The following NYAP2 variants were observed in gnomAD, a reference collection of about 807,000 sequenced individuals.
The protein encoded by NYAP2 is neuronal tyrosine-phosphorylated phosphoinositide-3-kinase adapter 2.
NYAP2 carries 23 observed loss-of-function variants against 50.4 expected under a neutral mutation model. That is an observed-to-expected ratio of 0.46 (90% CI 0.33 to 0.65). The LOEUF is 0.65. Among genes scored for constraint, NYAP2 ranks in the 30% least tolerant of loss-of-function variants. The pLI, the probability that NYAP2 is intolerant of heterozygous loss-of-function variation, is 0.02. For missense variants in NYAP2, 885 were observed against 861.0 expected, an observed-to-expected ratio of 1.03 and a Z score of -0.35; for synonymous variants, 394 against 365.2, an observed-to-expected ratio of 1.08 and a Z score of -0.90.
intron 3 of NYAP2, among the ~76,000 whole-genome samples, chr2:225,489,092 G>T (rs187434030): frequency 6.6e-6 from 1 of 152,288 alleles, no homozygotes; most frequent in Non-Finnish European, 1.5e-5. Flanking sequence ...TCACTCACCA[G>T]CACGTTTTAC....
the NYAP2 span, among the ~76,000 whole-genome samples, chr2:225,680,396 G>C: frequency 6.6e-6 from 1 of 152,116 alleles, no homozygotes; most frequent in African/African-American, 2.4e-5. Flanking sequence ...AGTAGATTCT[G>C]TCCAATTATG....
At chr2:225,655,656 C>A (rs1693808744), downstream of NYAP2, among the ~76,000 whole-genome samples, 1 of 152,144 alleles carries the variant, frequency 6.6e-6, no homozygotes, top group Non-Finnish European at 1.5e-5. Context: ...CTGATCTCAG[C>A]CTCCTTCTTC....
intron 2 of NYAP2, among the ~76,000 whole-genome samples, chr2:225,401,326 G>T (rs760812638): frequency 6.6e-6 from 1 of 152,006 alleles, no homozygotes; most frequent in South Asian, 2.1e-4. Flanking sequence ...AATTATTAAA[G>T]CTTTGAAAAT....
the NYAP2 span, chr2:225,702,452 A>G: frequency 6.6e-6 from 1 of 151,748 alleles, no homozygotes; most frequent in Non-Finnish European, 1.5e-5. Flanking sequence ...TTTTCAAAAT[A>G]AAGCCAATTG....
chr2:225,511,994 G>C (rs910453369), intron 3 of NYAP2, among the ~76,000 whole-genome samples: 1 of 151,894 alleles, frequency 6.6e-6, no homozygotes, highest in African/African-American at 2.4e-5. Flanking sequence ...ATTTTGTAAT[G>C]GTATTTTTAA....
At chr2:225,672,442 A>G in the NYAP2 span, among the ~76,000 whole-genome samples, 81 of 152,282 alleles carry the variant, frequency 5.3e-4, no homozygotes, top group African/African-American at 1.9e-3. Flanking sequence ...TTTTTGGCTT[A>G]AGAGAATGTG....
At chr2:225,504,776 GAGGC>G (rs1690673063) in intron 3 of NYAP2, among the ~76,000 whole-genome samples, 1 of 152,084 alleles carries the variant, frequency 6.6e-6, no homozygotes, top group South Asian at 2.1e-4. Flanking sequence ...TTGGGAAGCT[GAGGC>G]AGGGGGATCA....
the NYAP2 span, chr2:225,702,639 T>C: frequency 1.3e-5 from 2 of 151,684 alleles, no homozygotes; most frequent in African/African-American, 4.8e-5. Flanking sequence ...TGTAAATCAT[T>C]AAAAGGGTAA....
chr2:225,444,203 T>C (rs776254571), intron 3 of NYAP2, among the ~76,000 whole-genome samples: 1 of 152,226 alleles, frequency 6.6e-6, no homozygotes, highest in Non-Finnish European at 1.5e-5. Context: ...AGATTTGTTT[T>C]CTGTCTTCAT....
At chr2:225,410,049 T>C (rs755684144) in intron 3 of NYAP2, among the ~76,000 whole-genome samples, 1 of 152,114 alleles carries the variant, frequency 6.6e-6, no homozygotes, top group Admixed American at 6.6e-5. Flanking sequence ...CGCTGTGATA[T>C]TTAAAAAACC....
At chr2:225,652,285 CT>C (rs1693745629) in exon 7 of NYAP2, 1 of 152,086 alleles carries the variant, frequency 6.6e-6, no homozygotes, top group African/African-American at 2.4e-5. Context: ...AAATGAATGA[CT>C]TTTCTCTCTT....
At chr2:225,515,983 A>T (rs1015515958) in intron 4 of NYAP2, among the ~76,000 whole-genome samples, 1 of 152,200 alleles carries the variant, frequency 6.6e-6, no homozygotes, top group African/African-American at 2.4e-5. Context: ...CCTTGTTGGC[A>T]GAAACATTTC....
chr2:225,502,943 A>C (rs1690632992), intron 3 of NYAP2, among the ~76,000 whole-genome samples: 1 of 152,186 alleles, frequency 6.6e-6, no homozygotes. Context: ...TGAGTAAATA[A>C]ATTCCTCAAG....
intron 3 of NYAP2, among the ~76,000 whole-genome samples, chr2:225,431,979 G>A (rs1689273635): frequency 6.6e-6 from 1 of 151,798 alleles, no homozygotes; most frequent in Admixed American, 6.6e-5. Context: ...TTGTTTGTTT[G>A]TTTGTTTTGA....
chr2:225,512,819 TTCTCTCTC>T (rs145877640), intron 3 of NYAP2, among the ~76,000 whole-genome samples: 3 of 71,400 alleles, frequency 4.2e-5, no homozygotes, highest in African/African-American at 2.2e-4. Context: ...TTTTCTTTCT[TTCTCTCTC>T]TCTCTCTCTC....
intron 3 of NYAP2, among the ~76,000 whole-genome samples, chr2:225,424,136 C>T (rs936486266): frequency 6.6e-6 from 1 of 152,094 alleles, no homozygotes; most frequent in Admixed American, 6.6e-5. Flanking sequence ...GAGTCTCTCT[C>T]AACTCTTTCA....
chr2:225,429,048 C>CT (rs1452138128), intron 3 of NYAP2, among the ~76,000 whole-genome samples: 1 of 152,052 alleles, frequency 6.6e-6, no homozygotes, highest in Non-Finnish European at 1.5e-5. Context: ...GTCTTAGAGA[C>CT]TTTAAGAAAT....
the NYAP2 span, among the ~76,000 whole-genome samples, chr2:225,676,667 C>T: frequency 6.6e-6 from 1 of 152,120 alleles, no homozygotes; most frequent in Non-Finnish European, 1.5e-5. Flanking sequence ...GAGAACAGCA[C>T]AGGAAAGGCC....
At chr2:225,644,883 C>T (rs1405835947) in intron 6 of NYAP2, among the ~76,000 whole-genome samples, 1 of 152,060 alleles carries the variant, frequency 6.6e-6, no homozygotes, top group Admixed American at 6.6e-5. Context: ...TGTGATGCCT[C>T]CAGCTTTGTT....
Sources: allele counts gnomAD v4.1 joint callset (sites outside exome capture counted in the v4.1 genomes callset), GRCh38; gene constraint gnomAD v4.1.1; transcripts MANE v1.5; gene names NCBI Gene and HGNC (gene_info 2026-07-23, HGNC 2026-07-21).